SLA2: variants seen among roughly 807,000 people sequenced by gnomAD.
SLA2 encodes src-like-adapter 2.
Under a neutral mutation model 27.3 loss-of-function variants are expected in SLA2, and 22 were observed. The observed-to-expected ratio is 0.81, with a 90% confidence interval of 0.58 to 1.15. The LOEUF (loss-of-function observed/expected upper bound fraction) is 1.15, where lower values mean the gene tolerates loss of function less well. Ranked by LOEUF, SLA2 falls within the 50% of genes most tolerant of loss-of-function variation. The pLI, the probability that SLA2 is intolerant of heterozygous loss-of-function variation, is 0.00. For synonymous variants in SLA2, 131 were observed against 137.8 expected, an observed-to-expected ratio of 0.95 and a Z score of 0.34; for missense variants, 304 against 322.2, an observed-to-expected ratio of 0.94 and a Z score of 0.43.
Position 36,634,412 on chromosome 20 carries a change from C to T in SLA2, c.191+78G>A, listed in dbSNP as rs572087643. 42 of 1,116,720 alleles carry T rather than the reference C, an allele frequency of 3.8e-5. No individual in the cohort carries two copies. The African/African-American group carries it at 6.2e-4, about 17-fold the overall frequency. The allele number at this position is 1,116,720 out of a possible 1,614,324, so 69.2% of individuals were successfully genotyped here. On this transcript the variant is annotated intron_variant, in intron 3 of 7. Transcript: ENST00000262866. ...GATTCTCCCACCTAAGCCTCCCAGA[C>T]AGCTAGCGCTACAGGCACACACCAC...
chr20:36,619,057 C>T (rs894037311), intron 5 of SLA2, among the ~76,000 whole-genome samples: 1 of 150,982 alleles, frequency 6.6e-6, no homozygotes, highest in Non-Finnish European at 1.5e-5. Context: ...GAAACTCCAT[C>T]TCTACAAAAA....
At chr20:36,638,088 T>C (rs1470987357) in intron 2 of SLA2, among the ~76,000 whole-genome samples, 2 of 151,736 alleles carry the variant, frequency 1.3e-5, no homozygotes, top group African/African-American at 4.8e-5. Flanking sequence ...AGACGGGGTT[T>C]CACTATGTTG....
At chr20:36,644,268 C>G (rs1350169482) in intron 1 of SLA2, among the ~76,000 whole-genome samples, 1 of 152,112 alleles carries the variant, frequency 6.6e-6, no homozygotes, top group Non-Finnish European at 1.5e-5. Context: ...CAGGAAACCC[C>G]AGGGAGAGAA....
intron 1 of SLA2, among the ~76,000 whole-genome samples, chr20:36,644,840 G>A (rs1164794413): frequency 6.7e-6 from 1 of 149,790 alleles, no homozygotes; most frequent in African/African-American, 2.5e-5. Flanking sequence ...AACGGCAGCC[G>A]AGATGAGCAC....
intron 2 of SLA2, among the ~76,000 whole-genome samples, chr20:36,636,143 C>G (rs181804057): frequency 6.6e-6 from 1 of 151,956 alleles, no homozygotes; most frequent in African/African-American, 2.4e-5. Context: ...AGAGGCCGGG[C>G]GCGGTGGCTC....
chr20:36,616,476 G>A (rs1395857855), intron 5 of SLA2, among the ~76,000 whole-genome samples: 45 of 151,530 alleles, frequency 3.0e-4, no homozygotes, highest in African/African-American at 1.1e-3. Context: ...GACTACAGGC[G>A]CCTGCCACCA....
At chr20:36,631,750 C>T (rs1298797222) in intron 5 of SLA2, among the ~76,000 whole-genome samples, 3 of 152,202 alleles carry the variant, frequency 2.0e-5, no homozygotes, top group Admixed American at 1.3e-4. Context: ...CCACCTCACT[C>T]AGCAGAGATG....
At chr20:36,614,743 CTG>C (rs1469444770) in intron 6 of SLA2, 1 of 985,332 alleles carries the variant, frequency 1.0e-6, no homozygotes, top group Non-Finnish European at 1.2e-6. Flanking sequence ...CTTCTACTCA[CTG>C]TCTACTTCCA....
chr20:36,617,553 A>AG (rs2039228428), intron 5 of SLA2, among the ~76,000 whole-genome samples: 1 of 151,340 alleles, frequency 6.6e-6, no homozygotes, highest in African/African-American at 2.4e-5. Context: ...AAAAAAAAAA[A>AG]AAAATTAAAA....
chr20:36,638,143 A>G (rs1403817723), intron 2 of SLA2, among the ~76,000 whole-genome samples: 29 of 151,860 alleles, frequency 1.9e-4, no homozygotes, highest in Non-Finnish European at 1.5e-5. Context: ...CGCCCTCCTC[A>G]GCCTCTTAAA....
intron 2 of SLA2, among the ~76,000 whole-genome samples, chr20:36,636,068 G>A (rs1383555699): frequency 6.6e-6 from 1 of 151,986 alleles, no homozygotes; most frequent in Non-Finnish European, 1.5e-5. Flanking sequence ...TGCCAGTCTT[G>A]TCCACTCCTG....
intron 2 of SLA2, among the ~76,000 whole-genome samples, chr20:36,637,259 G>A (rs1462461516): frequency 1.4e-5 from 2 of 141,864 alleles, no homozygotes; most frequent in African/African-American, 5.4e-5. Context: ...CTGGAGTGCA[G>A]TGGTGCGATC....
chr20:36,639,805 C>G (rs116202111), intron 2 of SLA2, among the ~76,000 whole-genome samples: 3,049 of 151,080 alleles, frequency 0.02, 102 homozygotes, highest in African/African-American at 0.069. Context: ...AGCTTGCAGT[C>G]AGCCAAGACT....
chr20:36,638,837 A>G (rs1334735026), intron 2 of SLA2, among the ~76,000 whole-genome samples: 1 of 152,034 alleles, frequency 6.6e-6, no homozygotes, highest in African/African-American at 2.4e-5. Flanking sequence ...TGTTGCTGTG[A>G]TTGAGATTGA....
intron 2 of SLA2, among the ~76,000 whole-genome samples, chr20:36,638,192 C>CT (rs1176730848): frequency 1.3e-4 from 20 of 150,848 alleles, no homozygotes; most frequent in Admixed American, 1.1e-3. Context: ...CTGAAGTTTG[C>CT]TTTTTTTTTA....
chr20:36,615,318 G>A lies in SLA2; in HGVS notation c.439C>T (p.His147Tyr). The change falls in exon 6 of 8, where the codon CAC becomes TAC. Residue 147 changes from histidine to tyrosine, a missense_variant. Coordinates refer to ENST00000262866, the MANE Select transcript of SLA2 (RefSeq NM_032214.4). ...SRPASWDRIR[H>Y]YRIHCLDNGW... is the part of the protein sequence containing the mutation. The stretch of plus-strand genomic sequence containing the variant: ...TTGTCAAGGCAGTGGATCCTGTAGT[G>A]TCTGATCCGGTCCCAGGATGCAGGG... The A allele has an allele frequency of 6.2e-7, 1 of 1,614,168 alleles. No individual in the cohort carries two copies. The highest frequency in any genetic ancestry group is 8.5e-7 in the Non-Finnish European group (1 of 1,180,046).
chr20:36,643,763 C>T (rs1033576137), intron 1 of SLA2, among the ~76,000 whole-genome samples: 2 of 152,100 alleles, frequency 1.3e-5, no homozygotes, highest in Non-Finnish European at 2.9e-5. Context: ...ACCAGCCTGG[C>T]CAACATGGTG....
At position 36,613,020 on chromosome 20, in the gene SLA2, C is replaced by T. The variant is rs1011357216; in HGVS notation, c.*846G>A. On this transcript the variant is annotated 3_prime_UTR_variant, in exon 8 of 8. Coordinates refer to ENST00000262866, the MANE Select transcript of SLA2 (RefSeq NM_032214.4). ...ATCACCTGAGGTCAGGAGTTCGACA[C>T]CAGCCTGGCCAATGTGGTGAAACCC... 2 of 152,366 alleles carry T rather than the reference C, an allele frequency of 1.3e-5. No individual in the cohort carries two copies. The highest frequency in any genetic ancestry group is 2.9e-5 in the Non-Finnish European group (2 of 68,174). 9.4% of individuals were successfully genotyped at this position (152,366 alleles called of 1,614,324 possible). A position where few individuals can be genotyped will look rare whatever the true frequency, so the allele number is the denominator to read the frequency against.
rs77965910 is a variant in SLA2, at chr20:36,628,054, G to A, written c.382+4541C>T. ...TCTGGGTTCCCTAGATTGGAACTCT[G>A]TTTTCAAACTCAAGAGAACAATAGA... On this transcript the variant is annotated intron_variant, in intron 5 of 7. Coordinates refer to ENST00000262866, the MANE Select transcript of SLA2 (RefSeq NM_032214.4). 6.3e-3 allele frequency among the ~76,000 whole-genome samples: 957 copies of A among 152,254 alleles called. 12 individuals are homozygous for A. The highest frequency in any genetic ancestry group is 0.022 in the African/African-American group (920 of 41,512).
Sources: gnomAD v4.1 joint callset for allele counts (sites outside exome capture counted in the v4.1 genomes callset) on GRCh38, gnomAD v4.1.1 for gene constraint, MANE v1.5 for transcripts, NCBI Gene and HGNC (gene_info 2026-07-23, HGNC 2026-07-21) for gene names.